Variants in DACH1 observed in about 807,000 individuals in gnomAD.
The protein encoded by DACH1 is dachshund family transcription factor 1, also known as dachshund homolog 1.
In DACH1, 12 loss-of-function variants were observed where a neutral mutation model predicts 54.2. The ratio of observed to expected loss-of-function variants is 0.22; its 90% CI spans 0.14 to 0.36. The LOEUF (loss-of-function observed/expected upper bound fraction) is 0.36. Ranked by LOEUF, DACH1 falls within the 10% of genes least tolerant of loss-of-function variation. The probability of loss-of-function intolerance (pLI) is 1.00; values close to 1 mark genes in which losing one functional copy is unlikely to be tolerated. For synonymous variants in DACH1, 386 were observed against 366.2 expected (o/e 1.05, Z -0.62); for missense variants, 805 against 929.8 (o/e 0.87, Z 1.75).
chr13:71,692,975 G>A (rs1055587950), intron 1 of DACH1, among the ~76,000 whole-genome samples: 1 of 151,954 alleles, frequency 6.6e-6, no homozygotes, highest in Non-Finnish European at 1.5e-5. Flanking sequence ...CTGTAATAGG[G>A]ATTTGTATTC....
chr13:71,854,725 A>T (rs1873889325), intron 1 of DACH1, among the ~76,000 whole-genome samples: 1 of 152,054 alleles, frequency 6.6e-6, no homozygotes, highest in South Asian at 2.1e-4. Flanking sequence ...TCCTTCCATC[A>T]CAGTTAGAGA....
intron 2 of DACH1, among the ~76,000 whole-genome samples, chr13:71,645,043 G>A (rs1166546871): frequency 3.3e-5 from 5 of 152,112 alleles, no homozygotes; most frequent in Admixed American, 6.5e-5. Flanking sequence ...CGAAAAATGT[G>A]GTTAAGCCTA....
intron 1 of DACH1, among the ~76,000 whole-genome samples, chr13:71,821,097 T>C (rs117606844): frequency 0.017 from 2,613 of 152,298 alleles, 40 homozygotes; most frequent in Middle Eastern, 0.041. Flanking sequence ...GTATACTCTA[T>C]AGACTCCTGA....
intron 1 of DACH1, among the ~76,000 whole-genome samples, chr13:71,839,553 G>T (rs1045506406): frequency 6.6e-6 from 1 of 152,114 alleles, no homozygotes; most frequent in African/African-American, 2.4e-5. Flanking sequence ...CTTGTAGTGA[G>T]CAGAGATCAT....
chr13:71,551,402 G>A (rs1246649965), intron 6 of DACH1, among the ~76,000 whole-genome samples: 1 of 151,944 alleles, frequency 6.6e-6, no homozygotes, highest in African/African-American at 2.4e-5. Flanking sequence ...TGAACATTAG[G>A]TCTTATTTCA....
chr13:71,750,801 G>T (rs976383907), intron 1 of DACH1, among the ~76,000 whole-genome samples: 3 of 152,070 alleles, frequency 2.0e-5, no homozygotes, highest in Non-Finnish European at 4.4e-5. Flanking sequence ...GCAATATGTA[G>T]TTCACATAAT....
chr13:71,438,250 C>G lies in DACH1; in HGVS notation c.*2405G>C, dbSNP rs1873687659. 6.6e-6 allele frequency: 1 copy of G among 152,296 alleles called. No homozygotes were observed. The highest frequency in any genetic ancestry group is 1.5e-5 in the Non-Finnish European group (1 of 67,842). The allele number at this position is 152,296 out of a possible 1,614,324, so 9.4% of individuals were successfully genotyped here. A position where few individuals can be genotyped will look rare whatever the true frequency, so the allele number is the denominator to read the frequency against. On this transcript the variant is annotated 3_prime_UTR_variant, in exon 11 of 11. Coordinates refer to ENST00000613252, the MANE Select transcript of DACH1 (RefSeq NM_080759.6). ...AGATGAGTATGTTCTGTTCCAAGGG[C>G]TTGCATAGAGCGCAAATGTGGTTAT...
At position 71,708,233 on chromosome 13, in the gene DACH1, A is replaced by C. The variant is rs1882540911; in HGVS notation, c.849-26323T>G. ...CTCGATCTATAACAACAAAGCAATC[A>C]ACAAGCAAACCATATAGTCAAATTA... On this transcript the variant is annotated intron_variant, in intron 1 of 10. Transcript: ENST00000613252. Among the ~76,000 whole-genome samples, 3 of 152,290 alleles carry C rather than the reference A, an allele frequency of 2.0e-5. No homozygotes were observed. The South Asian group carries it at 6.2e-4, about 32-fold the overall frequency.
chr13:71,519,900 T>TATATATATATATATATATATAC, intron 6 of DACH1, among the ~76,000 whole-genome samples: 1 of 134,244 alleles, frequency 7.4e-6, no homozygotes, highest in Non-Finnish European at 1.6e-5. Flanking sequence ...TATATATATA[T>TATATATATATATATATATATAC]ATATATATCC....
At chr13:71,496,616 G>A (rs1220741733) in intron 6 of DACH1, among the ~76,000 whole-genome samples, 1 of 151,740 alleles carries the variant, frequency 6.6e-6, no homozygotes, top group Non-Finnish European at 1.5e-5. Flanking sequence ...GTACAATGTA[G>A]GCTTTTCAGG....
intron 1 of DACH1, among the ~76,000 whole-genome samples, chr13:71,725,283 G>A (rs1374572167): frequency 6.6e-6 from 1 of 151,882 alleles, no homozygotes; most frequent in African/African-American, 2.4e-5. Flanking sequence ...ATGAACCTAC[G>A]GATTCAGCTG....
intron 3 of DACH1, among the ~76,000 whole-genome samples, chr13:71,609,760 C>T (rs1429023384): frequency 2.0e-5 from 3 of 152,096 alleles, no homozygotes; most frequent in Admixed American, 1.3e-4. Context: ...CTCCAGACCT[C>T]AGGTGATCCA....
intron 6 of DACH1, among the ~76,000 whole-genome samples, chr13:71,497,551 C>G (rs372518071): frequency 6.6e-6 from 1 of 151,982 alleles, no homozygotes; most frequent in Non-Finnish European, 1.5e-5. Flanking sequence ...ATGCTGGTCT[C>G]GAACTCCCCA....
chr13:71,789,679 G>C (rs560137412), intron 1 of DACH1, among the ~76,000 whole-genome samples: 2 of 152,070 alleles, frequency 1.3e-5, no homozygotes, highest in Non-Finnish European at 2.9e-5. Flanking sequence ...GGTTTTCTCT[G>C]ACAGATAGAA....
chr13:71,580,906 C>A (rs975523754), intron 3 of DACH1, among the ~76,000 whole-genome samples: 3 of 152,080 alleles, frequency 2.0e-5, no homozygotes. Context: ...AAATTTAGGA[C>A]CACTACTTTT....
At position 71,693,296 on chromosome 13, in the gene DACH1, C is replaced by CTTTTTTTTTTTTTT. The variant is rs869289138; in HGVS notation, c.849-11400_849-11387dup. The stretch of plus-strand genomic sequence containing the variant: ...AATACCCTCTTATCCATTTGTTTTG[C>CTTTTTTTTTTTTTT]TTTTTTTTTTTTTTTTTTTTTTTGA... On this transcript the variant is annotated intron_variant, in intron 1 of 10. Transcript: ENST00000613252. Among the ~76,000 whole-genome samples the CTTTTTTTTTTTTTT allele has an allele frequency of 2.0e-4, 18 of 90,950 alleles. 1 individual carries two copies. The highest frequency in any genetic ancestry group is 3.7e-4 in the East Asian group (1 of 2,722). 59.7% of individuals were successfully genotyped at this position (90,950 alleles called of 152,430 possible).
chr13:71,725,486 G>C (rs1405807544), intron 1 of DACH1, among the ~76,000 whole-genome samples: 1 of 152,012 alleles, frequency 6.6e-6, no homozygotes, highest in Non-Finnish European at 1.5e-5. Context: ...GTACCAATAA[G>C]AGTAAAGTTG....
At chr13:71,796,065 T>G (rs1224016895) in intron 1 of DACH1, among the ~76,000 whole-genome samples, 4 of 152,202 alleles carry the variant, frequency 2.6e-5, no homozygotes, top group Non-Finnish European at 5.9e-5. Flanking sequence ...TGGAATGCCT[T>G]GTATTACTGA....
rs977562572 is a variant in DACH1 at position 71,681,816 on chromosome 13, G to C, written c.943C>G (p.Pro315Ala). The C allele has an allele frequency of 8.7e-6, 14 of 1,613,748 alleles. No individual in the cohort carries two copies. The highest frequency in any genetic ancestry group is 1.0e-5 in the Non-Finnish European group (12 of 1,179,860). ...MPHSVPGLMS[P>A]GIIPPTGLTA... ...TTACCTGTTGGTGGAATTATCCCAGGAGACATGAGACCAGGGACAGAATGC... is the reference window on the plus strand; with the variant it reads ...TTACCTGTTGGTGGAATTATCCCAGCAGACATGAGACCAGGGACAGAATGC... The change falls in exon 2 of 11, where the codon CCT becomes GCT. Residue 315 changes from proline (P) to alanine (A), a missense_variant. Physicochemically the swap from Pro to Ala is conservative, Grantham distance 27. Around this residue, in one of 3 missense-constraint regions of DACH1, gnomAD observed 472 missense variants for 545.3 expected, o/e 0.87. Transcript: ENST00000613252.
Sources: allele counts gnomAD v4.1 joint callset (sites outside exome capture counted in the v4.1 genomes callset), GRCh38; gene constraint gnomAD v4.1.1; regional missense constraint gnomAD v4.1.1; transcripts MANE v1.5; gene names NCBI Gene and HGNC (gene_info 2026-07-23, HGNC 2026-07-21).